The following BAIAP2L1 variants were observed in gnomAD, a reference collection of about 807,000 sequenced individuals.
BAIAP2L1 encodes BAR/IMD domain-containing adapter protein 2-like 1.
BAIAP2L1 carries 35 observed loss-of-function variants against 66.3 expected under a neutral mutation model. That is an observed-to-expected ratio of 0.53 (90% CI 0.40 to 0.70). The LOEUF is 0.70. BAIAP2L1 is among the 30% of genes least tolerant of loss of function. The probability of loss-of-function intolerance (pLI) is 0.00; values close to 1 mark genes in which losing one functional copy is unlikely to be tolerated. For missense variants in BAIAP2L1, 622 were observed against 656.9 expected, an observed-to-expected ratio of 0.95 and a Z score of 0.58; for synonymous variants, 269 against 248.7, an observed-to-expected ratio of 1.08 and a Z score of -0.77.
chr7:98,393,830 T>C (rs1320393411), intron 1 of BAIAP2L1, among the ~76,000 whole-genome samples: 1 of 144,406 alleles, frequency 6.9e-6, no homozygotes, highest in Non-Finnish European at 1.5e-5. Flanking sequence ...CCAGGCGCAG[T>C]GAGGGGCTCA....
In BAIAP2L1 at chr7:98,307,700, G is replaced by T. The variant is rs147254651; in HGVS notation, c.1152C>A (p.Asp384Glu). 6 of 1,613,930 alleles carry T rather than the reference G, an allele frequency of 3.7e-6. No individual in the cohort carries two copies. In the Admixed American group the frequency reaches 8.3e-5, roughly 22 times the overall value. ...EKDGWLYGEH[D>E]VSKARGWFPS... Reference sequence around the variant, plus strand: ...ACGCCCAGACTTACGCCTTGGACACGTCGTGTTCTCCATAGAGCCAGCCAT... The same window carrying T: ...ACGCCCAGACTTACGCCTTGGACACTTCGTGTTCTCCATAGAGCCAGCCAT... Residue 384 changes from aspartate to glutamate, a missense_variant, in exon 10 of 14, where the codon GAC becomes GAA. Asp to Glu is a conservative substitution (Grantham distance 45, BLOSUM62 2). Transcript: ENST00000005260.
At chr7:98,383,244 G>A (rs1802801803) in intron 1 of BAIAP2L1, among the ~76,000 whole-genome samples, 1 of 150,328 alleles carries the variant, frequency 6.7e-6, no homozygotes, top group African/African-American at 2.4e-5. Flanking sequence ...ATTCTAAGCT[G>A]CTATACCAAG....
chr7:98,295,690 T>G (rs1800160679), intron 12 of BAIAP2L1, among the ~76,000 whole-genome samples: 1 of 151,738 alleles, frequency 6.6e-6, no homozygotes, highest in African/African-American at 2.4e-5. Flanking sequence ...CAACACCATC[T>G]CCCTCACATG....
chr7:98,296,188 T>C (rs1016007146), intron 12 of BAIAP2L1, among the ~76,000 whole-genome samples: 3 of 152,086 alleles, frequency 2.0e-5, no homozygotes, highest in Non-Finnish European at 4.4e-5. Flanking sequence ...GAGTCTGGTG[T>C]TGGAGAAGGG....
intron 3 of BAIAP2L1, among the ~76,000 whole-genome samples, chr7:98,339,993 G>A (rs776543307): frequency 7.9e-5 from 12 of 152,140 alleles, no homozygotes; most frequent in Non-Finnish European, 1.2e-4. Context: ...GGCTGACAGC[G>A]TGAGGACAGG....
chr7:98,400,853 G>A lies in BAIAP2L1; in HGVS notation c.-1C>T, dbSNP rs777109540. 1.6e-5 allele frequency: 25 copies of A among 1,540,416 alleles called. No homozygotes were observed. In the Admixed American group the frequency reaches 4.8e-4, roughly 29 times the overall value. The stretch of plus-strand genomic sequence containing the variant: ...TCACCTCCTCGGGCCCCCGGGACAT[G>A]GCTGCGGCCGCCGGGCGAGCAAGCG... On this transcript the variant is annotated 5_prime_UTR_variant, in exon 1 of 14. Coordinates refer to ENST00000005260, the MANE Select transcript of BAIAP2L1 (RefSeq NM_018842.5).
chr7:98,295,272 G>A (rs760444739), intron 12 of BAIAP2L1, among the ~76,000 whole-genome samples: 4 of 152,176 alleles, frequency 2.6e-5, no homozygotes, highest in Admixed American at 2.6e-4. Flanking sequence ...GGGAGCCCCA[G>A]GGCTGTGCCT....
chr7:98,386,445 G>A (rs901889206), intron 1 of BAIAP2L1: 73 of 1,596,282 alleles, frequency 4.6e-5, no homozygotes, highest in Admixed American at 3.3e-4. Flanking sequence ...GGTGACGAGC[G>A]TCTTTCCAAT....
chr7:98,296,280 T>C (rs886133627), intron 12 of BAIAP2L1, among the ~76,000 whole-genome samples: 1 of 152,142 alleles, frequency 6.6e-6, no homozygotes, highest in Non-Finnish European at 1.5e-5. Flanking sequence ...ATCATGAAAA[T>C]TCATTGTGTG....
At chr7:98,330,683 A>C (rs1801476264) in intron 3 of BAIAP2L1, among the ~76,000 whole-genome samples, 1 of 152,092 alleles carries the variant, frequency 6.6e-6, no homozygotes, top group African/African-American at 2.4e-5. Flanking sequence ...ATAAAAAATA[A>C]AGGAGGTTTA....
chr7:98,308,611 G>A, intron 9 of BAIAP2L1: 2 of 246,732 alleles, frequency 8.1e-6, no homozygotes, highest in Admixed American at 9.5e-5. Flanking sequence ...TGCTGTTCAT[G>A]TCTCCATTCA....
chr7:98,352,511 G>A (rs1189270070), intron 3 of BAIAP2L1, among the ~76,000 whole-genome samples: 1 of 152,050 alleles, frequency 6.6e-6, no homozygotes, highest in East Asian at 1.9e-4. Flanking sequence ...GTATGGTGGT[G>A]GGCACCTGTA....
chr7:98,389,755 A>G (rs1320964727), intron 1 of BAIAP2L1, among the ~76,000 whole-genome samples: 4 of 151,864 alleles, frequency 2.6e-5, no homozygotes, highest in South Asian at 2.1e-4. Flanking sequence ...ATAAGAAATG[A>G]CTTTTTGCTC....
chr7:98,338,508 C>T (rs1203146264), intron 3 of BAIAP2L1, among the ~76,000 whole-genome samples: 1 of 151,798 alleles, frequency 6.6e-6, no homozygotes, highest in East Asian at 1.9e-4. Context: ...TGCCTTCTCC[C>T]TTGAAGCCTC....
Position 98,389,840 on chromosome 7 carries a change from G to GT in BAIAP2L1, c.51+10961dup, listed in dbSNP as rs201536671. 4.6e-3 allele frequency among the ~76,000 whole-genome samples: 701 copies of GT among 151,768 alleles called. 11 individuals carry two copies. Among genetic ancestry groups the GT allele is most frequent in the African/African-American group, 0.016 (661 of 41,458 alleles). The stretch of plus-strand genomic sequence containing the variant: ...GTAAAGTCTTGACTTTTAAAAGGCA[G>GT]TTTTAAGAACTGGAATTTGAGTATT... On this transcript the variant is annotated intron_variant, in intron 1 of 13. Coordinates refer to ENST00000005260, the MANE Select transcript of BAIAP2L1 (RefSeq NM_018842.5).
At chr7:98,371,687 C>A (rs1326404059) in intron 1 of BAIAP2L1, among the ~76,000 whole-genome samples, 1 of 152,136 alleles carries the variant, frequency 6.6e-6, no homozygotes, top group East Asian at 1.9e-4. Flanking sequence ...TGGAACTATA[C>A]ATAAATTAAC....
chr7:98,370,731 G>C (rs1347073809), intron 1 of BAIAP2L1, among the ~76,000 whole-genome samples: 1 of 152,028 alleles, frequency 6.6e-6, no homozygotes, highest in Non-Finnish European at 1.5e-5. Context: ...TCGATCTCCT[G>C]ACCTCATGAT....
chr7:98,374,710 G>A (rs967105311), intron 1 of BAIAP2L1, among the ~76,000 whole-genome samples: 3 of 151,482 alleles, frequency 2.0e-5, no homozygotes, highest in East Asian at 1.9e-4. Flanking sequence ...GCATAATGTC[G>A]AGCAATTCTG....
chr7:98,393,780 T>A (rs62478233), intron 1 of BAIAP2L1, among the ~76,000 whole-genome samples: 1 of 145,874 alleles, frequency 6.9e-6, no homozygotes, highest in Admixed American at 6.8e-5. Flanking sequence ...CCACCGCGCC[T>A]GGTTTATGTA....
Sources: gnomAD v4.1 joint callset for allele counts (sites outside exome capture counted in the v4.1 genomes callset) on GRCh38, gnomAD v4.1.1 for gene constraint, MANE v1.5 for transcripts, NCBI Gene and HGNC (gene_info 2026-07-23, HGNC 2026-07-21) for gene names.